Variants in CD99L2 observed in about 807,000 individuals in gnomAD.
The protein encoded by CD99L2 is CD99 antigen-like protein 2.
A neutral mutation model predicts 27.3 loss-of-function variants in CD99L2; 24 were observed. That is an observed-to-expected ratio of 0.88 (90% confidence interval 0.64 to 1.24). The LOEUF (loss-of-function observed/expected upper bound fraction) is 1.24, where lower values mean the gene tolerates loss of function less well. CD99L2 is among the 50% of genes most tolerant of loss of function. The pLI, the probability that CD99L2 is intolerant of heterozygous loss-of-function variation, is 0.00. For synonymous variants in CD99L2, 97 were observed against 87.9 expected, an observed-to-expected ratio of 1.10 and a Z score of -0.58; for missense variants, 255 against 221.6, an observed-to-expected ratio of 1.15 and a Z score of -0.96.
intron 9 of CD99L2, among the ~76,000 whole-genome samples, chrX:150,772,397 G>C (rs1557419131): frequency 8.9e-6 from 1 of 112,862 alleles, no homozygotes; most frequent in African/African-American, 3.2e-5. Context: ...TGCAGGGCGA[G>C]AGGAGCTAGG....
intron 6 of CD99L2, 111 bp from the exon 7 acceptor site, chrX:150,793,867 A>G (rs1383776436): frequency 1.8e-6 from 1 of 569,993 alleles, no homozygotes; most frequent in South Asian, 3.7e-5. Context: ...CCACTTAAGA[A>G]TGCCCTTCAT....
intron 1 of CD99L2, among the ~76,000 whole-genome samples, chrX:150,842,811 A>C (rs1193173789): frequency 5.3e-5 from 6 of 112,290 alleles, no homozygotes; most frequent in African/African-American, 1.9e-4. Context: ...ACTGTGTTTG[A>C]CAGCACAGAC....
At chrX:150,815,033 C>T in intron 3 of CD99L2, 97 bp from the exon 4 acceptor site, 2 of 789,003 alleles carry the variant, frequency 2.5e-6, no homozygotes, top group East Asian at 6.4e-5. Flanking sequence ...TTCAACTGAT[C>T]AATACCAACA....
chrX:150,880,205 A>C (rs1006449861), intron 1 of CD99L2, among the ~76,000 whole-genome samples: 11 of 111,950 alleles, frequency 9.8e-5, no homozygotes, highest in Non-Finnish European at 2.1e-4. Context: ...AACTCCACCC[A>C]AGAGAATTAA....
At position 150,768,499 on chromosome X, in the gene CD99L2, G is replaced by C. The variant is rs1427830525; in HGVS notation, c.*535C>G. 8.8e-6 allele frequency: 1 copy of C among 113,770 alleles called. No homozygotes were observed. The highest frequency in any genetic ancestry group is 1.8e-5 in the Non-Finnish European group (1 of 54,305). 9.4% of individuals were successfully genotyped at this position (113,770 alleles called of 1,213,427 possible). On this transcript the variant is annotated 3_prime_UTR_variant, in exon 11 of 11. Coordinates refer to ENST00000370377, the MANE Select transcript of CD99L2 (RefSeq NM_031462.4). ...GTGAAACCATCATCCTGGGTGCTGC[G>C]TGTGTGTGGTGTTACTTGGTGCTGA... is the stretch of plus-strand genomic sequence containing the variant.
chrX:150,781,661 T>C (rs1557419436), intron 7 of CD99L2, among the ~76,000 whole-genome samples: 1 of 112,189 alleles, frequency 8.9e-6, no homozygotes, highest in East Asian at 2.8e-4. Context: ...TGCATATAAG[T>C]AGCTGTATGG....
chrX:150,800,224 G>T (rs1287259760), intron 4 of CD99L2, among the ~76,000 whole-genome samples: 1 of 111,366 alleles, frequency 9.0e-6, no homozygotes, highest in African/African-American at 3.3e-5. Flanking sequence ...GGGGCTAGGA[G>T]TAAGGAGAAA....
intron 1 of CD99L2, among the ~76,000 whole-genome samples, chrX:150,847,773 T>C (rs1557421498): frequency 3.6e-5 from 4 of 111,077 alleles, no homozygotes; most frequent in Non-Finnish European, 7.5e-5. Flanking sequence ...GCCAGAAAGC[T>C]GTACACTGTC....
intron 6 of CD99L2, among the ~76,000 whole-genome samples, chrX:150,794,497 G>A (rs929731186): frequency 1.8e-5 from 2 of 112,226 alleles, no homozygotes; most frequent in African/African-American, 6.5e-5. Context: ...ACTGACACAA[G>A]GAAGCAGAAA....
At chrX:150,824,644 A>AGAAGAG (rs1557420857) in intron 2 of CD99L2, among the ~76,000 whole-genome samples, 3 of 76,765 alleles carry the variant, frequency 3.9e-5, no homozygotes, top group African/African-American at 2.0e-4. Context: ...AAGGAGGAGA[A>AGAAGAG]GAAGAAGAAG....
chrX:150,796,257 A>G (rs2045795227), intron 4 of CD99L2, among the ~76,000 whole-genome samples: 1 of 112,684 alleles, frequency 8.9e-6, no homozygotes, highest in African/African-American at 3.2e-5. Context: ...GCCTAGGGAC[A>G]TTTAAAATGT....
At chrX:150,805,270 C>A (rs190755989) in intron 4 of CD99L2, among the ~76,000 whole-genome samples, 10,036 of 109,672 alleles carry the variant, frequency 0.092, 444 homozygotes, top group Middle Eastern at 0.18. Context: ...AGAAAAAAAA[C>A]CAAAACTGAA....
intron 1 of CD99L2, among the ~76,000 whole-genome samples, chrX:150,856,990 A>C (rs1377878767): frequency 9.0e-6 from 1 of 111,435 alleles, no homozygotes; most frequent in African/African-American, 3.3e-5. Context: ...AAAAGCTTCA[A>C]CAATAGACTA....
intron 9 of CD99L2, among the ~76,000 whole-genome samples, chrX:150,774,122 T>C (rs1352838068): frequency 8.9e-6 from 1 of 111,876 alleles, no homozygotes; most frequent in Non-Finnish European, 1.9e-5. Context: ...TCTTTGGGTG[T>C]AGGATTTTTT....
chrX:150,874,071 C>A (rs1394272964), intron 1 of CD99L2, among the ~76,000 whole-genome samples: 2 of 112,414 alleles, frequency 1.8e-5, no homozygotes, highest in African/African-American at 6.5e-5. Context: ...CTATGGAGTA[C>A]CAGGTACTAG....
chrX:150,786,526 C>T (rs2045597778), intron 7 of CD99L2, among the ~76,000 whole-genome samples: 1 of 111,386 alleles, frequency 9.0e-6, no homozygotes, highest in Non-Finnish European at 1.9e-5. Context: ...CCTCCAGCTC[C>T]ATCTAAGTTG....
intron 7 of CD99L2, among the ~76,000 whole-genome samples, chrX:150,793,398 T>G (rs2045728028): frequency 8.9e-6 from 1 of 112,665 alleles, no homozygotes; most frequent in African/African-American, 3.2e-5. Flanking sequence ...TGGCCCCCAG[T>G]TATTATCATT....
intron 1 of CD99L2, among the ~76,000 whole-genome samples, chrX:150,839,151 G>A (rs1367432228): frequency 9.0e-6 from 1 of 111,334 alleles, no homozygotes; most frequent in African/African-American, 3.3e-5. Context: ...AATATTTTAT[G>A]GAAATAAAGC....
intron 1 of CD99L2, among the ~76,000 whole-genome samples, chrX:150,893,253 C>T (rs1277065547): frequency 1.8e-5 from 2 of 111,636 alleles, no homozygotes; most frequent in African/African-American, 3.3e-5. Context: ...GTCAGACGAG[C>T]GCAGCAACTG....
Sources: allele counts gnomAD v4.1 joint callset (sites outside exome capture counted in the v4.1 genomes callset), GRCh38; gene constraint gnomAD v4.1.1; transcripts MANE v1.5; gene names NCBI Gene and HGNC (gene_info 2026-07-23, HGNC 2026-07-21).